TBC1D7: variants seen among roughly 807,000 people sequenced by gnomAD.
The protein encoded by TBC1D7 is TBC domain family 7.
Under a neutral mutation model 35.3 loss-of-function variants are expected in TBC1D7, and 33 were observed. That is an observed-to-expected ratio of 0.93 (90% CI 0.71 to 1.25). The LOEUF is 1.25. Among genes scored for constraint, TBC1D7 ranks in the 50% most tolerant of loss-of-function variants. The pLI is 0.00. For synonymous variants in TBC1D7, 135 were observed against 129.5 expected, an observed-to-expected ratio of 1.04 and a Z score of -0.29; for missense variants, 362 against 365.3, an observed-to-expected ratio of 0.99 and a Z score of 0.07.
At chr6:13,321,374 CA>C (rs765530140) in intron 3 of TBC1D7, among the ~76,000 whole-genome samples, 4 of 152,194 alleles carry the variant, frequency 2.6e-5, no homozygotes, top group Non-Finnish European at 5.9e-5. Context: ...CGCATACATT[CA>C]AGATTAGCAA....
At chr6:13,307,044 T>TCTGATC (rs1782856383) in intron 6 of TBC1D7, 1 of 154,748 alleles carries the variant, frequency 6.5e-6, no homozygotes, top group Admixed American at 6.4e-5. Context: ...ATCATTCCTG[T>TCTGATC]AACTCCTAAA....
At chr6:13,322,145 G>A (rs1430211469) in intron 3 of TBC1D7, among the ~76,000 whole-genome samples, 1 of 152,090 alleles carries the variant, frequency 6.6e-6, no homozygotes, top group Non-Finnish European at 1.5e-5. Flanking sequence ...GGAGGCTGAA[G>A]TGGGAGGCTG....
At position 13,316,634 on chromosome 6, in the gene TBC1D7, G is replaced by A. The variant is rs771311679; in HGVS notation, c.456C>T (p.Tyr152=). The change falls in exon 5 of 8, where the codon TAC becomes TAT. Residue 152 remains tyrosine, a synonymous_variant. Transcript: ENST00000379300. The stretch of plus-strand genomic sequence containing the variant: ...GGTTCACAAAGCGTCGGGTGATCCA[G>A]TAACAGTCGACACTATCTTCCACCA... The part of the protein sequence containing the change: ...EEMVEDSVDC[Y]WITRRFVNQL... 24 of 1,613,802 alleles carry A rather than the reference G, an allele frequency of 1.5e-5. No individual in the cohort carries two copies. The South Asian group carries it at 2.5e-4, about 17-fold the overall frequency.
chr6:13,309,880 A>T (rs912541619), intron 5 of TBC1D7, among the ~76,000 whole-genome samples: 1 of 152,198 alleles, frequency 6.6e-6, no homozygotes, highest in Non-Finnish European at 1.5e-5. Context: ...AAAAGCCAAG[A>T]ACTCTATAGG....
Position 13,320,904 on chromosome 6 carries a change from T to C in TBC1D7, c.381+4A>G, listed in dbSNP as rs1783991177. ...CTTAGTGTCAGACAAAAGTGACCACTAACCAGTGGAAAAGAGGGACTTCGA... is the reference window on the plus strand; with the variant it reads ...CTTAGTGTCAGACAAAAGTGACCACCAACCAGTGGAAAAGAGGGACTTCGA... On this transcript the variant is annotated splice_donor_region_variant and intron_variant, in intron 4 of 7. Transcript: ENST00000379300. 1.2e-6 allele frequency: 2 copies of C among 1,613,754 alleles called. No homozygotes were observed. Among genetic ancestry groups the C allele is most frequent in the Non-Finnish European group, 1.7e-6 (2 of 1,179,934 alleles).
At chr6:13,328,118 T>C (rs1051587671) in intron 1 of TBC1D7, 178 bp downstream of exon 1, 7 of 152,210 alleles carry the variant, frequency 4.6e-5, no homozygotes, top group Non-Finnish European at 1.0e-4. Flanking sequence ...GACGATTTGG[T>C]CGGTCCCTGT....
chr6:13,311,750 T>C (rs1248471381), intron 5 of TBC1D7, among the ~76,000 whole-genome samples: 1 of 152,178 alleles, frequency 6.6e-6, no homozygotes, highest in African/African-American at 2.4e-5. Context: ...CTAAAATTCA[T>C]TTCTGAAAAG....
chr6:13,323,968 G>A (rs972412255), intron 3 of TBC1D7, among the ~76,000 whole-genome samples: 1 of 152,024 alleles, frequency 6.6e-6, no homozygotes, highest in South Asian at 2.1e-4. Context: ...TGCCTCACAG[G>A]GATTCTAGGA....
At chr6:13,307,234 T>C (rs1324909772) in intron 6 of TBC1D7, 2 of 193,032 alleles carry the variant, frequency 1.0e-5, no homozygotes, top group African/African-American at 2.4e-5. Context: ...TGGAAGAACT[T>C]AGTCAAATCT....
At chr6:13,323,163 G>A (rs570234543) in intron 3 of TBC1D7, among the ~76,000 whole-genome samples, 303 of 152,184 alleles carry the variant, frequency 2.0e-3, no homozygotes, top group African/African-American at 6.9e-3. Context: ...GACCAGCCTG[G>A]GCAACACAGT....
chr6:13,311,952 T>TATAC, intron 5 of TBC1D7, among the ~76,000 whole-genome samples: 1 of 126,396 alleles, frequency 7.9e-6, no homozygotes, highest in South Asian at 2.9e-4. Flanking sequence ...TATAAATATA[T>TATAC]ATAAAAATGT....
At chr6:13,306,341 C>G in intron 7 of TBC1D7, 57 bp downstream of exon 7, 3 of 1,520,936 alleles carry the variant, frequency 2.0e-6, no homozygotes, top group East Asian at 5.0e-5. Flanking sequence ...ACAGGAAAAT[C>G]TGACTTGCTA....
At position 13,320,815 on chromosome 6, in the gene TBC1D7, A is replaced by G. The variant is rs759190884; in HGVS notation, c.381+93T>C. 18 of 1,291,946 alleles carry G rather than the reference A, an allele frequency of 1.4e-5. 1 individual carries two copies. In the Admixed American group the frequency reaches 2.9e-4, roughly 20 times the overall value. The allele number at this position is 1,291,946 out of a possible 1,614,324, so 80.0% of individuals were successfully genotyped here. On this transcript the variant is annotated intron_variant, in intron 4 of 7. Coordinates refer to ENST00000379300, the MANE Select transcript of TBC1D7 (RefSeq NM_016495.6). ...TTCTAATAACAACAGGGAGCCACCA[A>G]AAGTTTTTAAGGCAAAACATGATGT...
Position 13,305,242 on chromosome 6 carries a change from C to T in TBC1D7, c.796-55G>A, listed in dbSNP as rs1054253693. ...ATTTCAGTGTTGACAACTTCAGTGT[C>T]TTCCCTCATTCGCTGTGGCATGAAA... On this transcript the variant is annotated intron_variant, in intron 7 of 7. Transcript: ENST00000379300. 2.0e-6 allele frequency: 3 copies of T among 1,519,786 alleles called. No homozygotes were observed. In the African/African-American group the frequency reaches 4.1e-5, roughly 21 times the overall value. The allele number at this position is 1,519,786 out of a possible 1,614,324, so 94.1% of individuals were successfully genotyped here.
intron 3 of TBC1D7, 61 bp downstream of exon 3, chr6:13,325,033 G>A (rs1784309756): frequency 7.9e-7 from 1 of 1,272,816 alleles, no homozygotes; most frequent in East Asian, 2.3e-5. Context: ...TGATAAGATA[G>A]CAAATGATCC....
chr6:13,312,121 C>T (rs1206929315), intron 5 of TBC1D7, among the ~76,000 whole-genome samples: 4 of 152,104 alleles, frequency 2.6e-5, no homozygotes, highest in Admixed American at 6.5e-5. Context: ...CTTCTCTGTG[C>T]TTCAGTATCC....
At chr6:13,312,235 G>GAC (rs1783267611) in intron 5 of TBC1D7, among the ~76,000 whole-genome samples, 1 of 152,184 alleles carries the variant, frequency 6.6e-6, no homozygotes, top group African/African-American at 2.4e-5. Context: ...ACACCAACCA[G>GAC]ACGGGGAGAA....
rs1784376295 is a variant in TBC1D7, at chr6:13,325,947, A to C, written c.113-773T>G. 3.3e-5 allele frequency among the ~76,000 whole-genome samples: 5 copies of C among 152,192 alleles called. No homozygotes were observed. The South Asian group carries it at 1.0e-3, about 31-fold the overall frequency. On this transcript the variant is annotated intron_variant, in intron 2 of 7. Coordinates refer to ENST00000379300, the MANE Select transcript of TBC1D7 (RefSeq NM_016495.6). ...GACTTCCCTGACCCTCAATTCCTCTACTTATCAAAGGAGAATACCAGACAT... is the reference window on the plus strand; with the variant it reads ...GACTTCCCTGACCCTCAATTCCTCTCCTTATCAAAGGAGAATACCAGACAT...
At chr6:13,320,492 A>C in intron 4 of TBC1D7, 1 of 484,680 alleles carries the variant, frequency 2.1e-6, no homozygotes, top group Non-Finnish European at 3.6e-6. Context: ...TACGTTTTAA[A>C]ACAACAAAGC....
Sources: gnomAD v4.1 joint callset for allele counts (sites outside exome capture counted in the v4.1 genomes callset) on GRCh38, gnomAD v4.1.1 for gene constraint, MANE v1.5 for transcripts, NCBI Gene and HGNC (gene_info 2026-07-23, HGNC 2026-07-21) for gene names.